TAF5L: variants seen among roughly 807,000 people sequenced by gnomAD.
TAF5L encodes the protein TAF5-like RNA polymerase II p300/CBP-associated factor-associated factor 65 kDa subunit 5L.
In TAF5L, 7 loss-of-function variants were observed where a neutral mutation model predicts 51.3. The observed-to-expected ratio is 0.14, with a 90% confidence interval of 0.08 to 0.26. The LOEUF (loss-of-function observed/expected upper bound fraction) is 0.26, where lower values mean the gene tolerates loss of function less well. Among genes scored for constraint, TAF5L ranks in the 10% least tolerant of loss-of-function variants. TAF5L has a pLI of 1.00. For synonymous variants in TAF5L, 291 were observed against 308.1 expected (o/e 0.94, Z 0.58); for missense variants, 575 against 758.9 (o/e 0.76, Z 2.85).
intron 1 of TAF5L, among the ~76,000 whole-genome samples, chr1:229,623,379 G>A (rs1328304753): frequency 6.6e-6 from 1 of 152,214 alleles, no homozygotes; most frequent in Non-Finnish European, 1.5e-5. Flanking sequence ...GCTCTAATCT[G>A]CCTGTTTACC....
At chr1:229,624,651 T>G (rs1358893364) in intron 1 of TAF5L, among the ~76,000 whole-genome samples, 2 of 152,144 alleles carry the variant, frequency 1.3e-5, no homozygotes, top group Admixed American at 6.5e-5. Flanking sequence ...TCGCATTTTA[T>G]AGATGAGGAA....
intron 4 of TAF5L, chr1:229,601,654 G>C (rs1158675540): frequency 1.0e-6 from 1 of 987,036 alleles, no homozygotes; most frequent in African/African-American, 1.7e-5. Flanking sequence ...CGGGGTACAT[G>C]GAGCCACAGG....
At chr1:229,605,849 T>C (rs1314104680) in intron 3 of TAF5L, among the ~76,000 whole-genome samples, 1 of 152,228 alleles carries the variant, frequency 6.6e-6, no homozygotes, top group Non-Finnish European at 1.5e-5. Flanking sequence ...TGATTTTGAA[T>C]GTGCCAAGCC....
In TAF5L at chr1:229,602,007, A is replaced by T. The variant is rs940796870; in HGVS notation, c.972+188T>A. On this transcript the variant is annotated intron_variant, in intron 4 of 4. Transcript: ENST00000258281. This position sits in a 1 kb window ranked among gnomAD's most constrained non-coding sequence, Gnocchi z 4.6. ...TAATAAGAAGTTAATGCTGCTAAAA[A>T]TTGTTTTTGCATCTTAGGTTAGGCA... 1.3e-5 allele frequency: 18 copies of T among 1,422,992 alleles called. No individual in the cohort carries two copies. The highest frequency in any genetic ancestry group is 1.7e-5 in the Non-Finnish European group (18 of 1,090,314). The allele number at this position is 1,422,992 out of a possible 1,614,324, so 88.1% of individuals were successfully genotyped here. A position where few individuals can be genotyped will look rare whatever the true frequency, so the allele number is the denominator to read the frequency against.
chr1:229,599,166 G>T, intron 4 of TAF5L: 1 of 720,224 alleles, frequency 1.4e-6, no homozygotes, highest in Non-Finnish European at 1.7e-6. Flanking sequence ...TGATCTTTAA[G>T]TGGGAGACAA....
chr1:229,600,125 G>C (rs1270969809), intron 4 of TAF5L: 1 of 984,898 alleles, frequency 1.0e-6, no homozygotes, highest in Non-Finnish European at 1.2e-6. Context: ...AAAAAGAAAA[G>C]TCCAAATTTT....
At chr1:229,613,992 G>T (rs1385081217) in intron 2 of TAF5L, among the ~76,000 whole-genome samples, 1 of 152,180 alleles carries the variant, frequency 6.6e-6, no homozygotes, top group African/African-American at 2.4e-5. Flanking sequence ...GCAAGAAGGG[G>T]ACAGAGGGAG....
At chr1:229,620,658 T>C (rs1380472603) in intron 1 of TAF5L, among the ~76,000 whole-genome samples, 16 of 152,192 alleles carry the variant, frequency 1.1e-4, no homozygotes, top group Admixed American at 1.0e-3. Flanking sequence ...CGTGATCTTT[T>C]TGAATTTCTA....
At chr1:229,617,671 C>A (rs535681223) in intron 1 of TAF5L, among the ~76,000 whole-genome samples, 2 of 151,940 alleles carry the variant, frequency 1.3e-5, no homozygotes, top group Non-Finnish European at 2.9e-5. Flanking sequence ...CCTCAAGGTG[C>A]GACAATATAC....
At position 229,614,075 on chromosome 1, in the gene TAF5L, T is replaced by A. The variant is rs1571848734; in HGVS notation, c.142+266A>T. 2.2e-5 allele frequency: 14 copies of A among 626,624 alleles called. No individual in the cohort carries two copies. The South Asian group carries it at 2.7e-4, about 12-fold the overall frequency. 38.8% of individuals were successfully genotyped at this position (626,624 alleles called of 1,614,324 possible). A position where few individuals can be genotyped will look rare whatever the true frequency, so the allele number is the denominator to read the frequency against. On this transcript the variant is annotated intron_variant, in intron 2 of 4. Coordinates refer to ENST00000258281, the Ensembl canonical transcript of TAF5L. ...AGTTGCACGTACTTTCAGGTACAGA[T>A]AAAGTAACTGAGAAGTCCTGAGGAA...
At chr1:229,617,888 C>A (rs1341786056) in intron 1 of TAF5L, among the ~76,000 whole-genome samples, 1 of 152,070 alleles carries the variant, frequency 6.6e-6, no homozygotes, top group African/African-American at 2.4e-5. Context: ...AGGGCGCTTC[C>A]CTGAGGGTGG....
chr1:229,609,473 T>C (rs2102755567), intron 3 of TAF5L, among the ~76,000 whole-genome samples: 1 of 152,342 alleles, frequency 6.6e-6, no homozygotes, highest in Non-Finnish European at 1.5e-5. Flanking sequence ...TTCACATCCC[T>C]TTCCGATTTA....
intron 3 of TAF5L, among the ~76,000 whole-genome samples, chr1:229,604,109 G>A (rs557816904): frequency 1.3e-5 from 2 of 151,028 alleles, no homozygotes; most frequent in East Asian, 1.9e-4. Flanking sequence ...CTAGTGTAAT[G>A]TTTGTACATA....
intron 4 of TAF5L, among the ~76,000 whole-genome samples, chr1:229,597,094 C>G (rs1315837379): frequency 2.6e-5 from 4 of 152,140 alleles, no homozygotes; most frequent in African/African-American, 7.2e-5. Flanking sequence ...AAAGAAGTTA[C>G]AACAACACTT....
At chr1:229,613,070 C>A (rs1664844737) in intron 2 of TAF5L, among the ~76,000 whole-genome samples, 1 of 151,792 alleles carries the variant, frequency 6.6e-6, no homozygotes, top group Admixed American at 6.6e-5. Context: ...GTAATCCCAG[C>A]ACTTTGGGAG....
At position 229,602,815 on chromosome 1, in the gene TAF5L, T is replaced by C; in HGVS notation, c.352A>G (p.Ser118Gly). ...ATTCCATGGAAGCGGCTGTAAAAAC[T>C]TTCCACTGTGCTCTTCGGACTGTTT... is the stretch of plus-strand genomic sequence containing the variant. The change falls in exon 4 of 5, where the codon AGT becomes GGT. Residue 118 changes from serine (S) to glycine (G), a missense_variant. Ser to Gly is a moderately conservative substitution (Grantham distance 56). Coordinates refer to ENST00000258281, the Ensembl canonical transcript of TAF5L. The surrounding 1 kb of genome is among the most constrained non-coding windows in gnomAD (Gnocchi z 4.6). 6.2e-7 allele frequency: 1 copy of C among 1,613,800 alleles called. No homozygotes were observed.
intron 1 of TAF5L, among the ~76,000 whole-genome samples, chr1:229,622,021 CTATCT>C (rs1462605577): frequency 0.089 from 267 of 3,004 alleles, 3 homozygotes; most frequent in African/African-American, 0.16. Flanking sequence ...TCATCATCAT[CTATCT>C]ATCTATCTAT....
intron 1 of TAF5L, among the ~76,000 whole-genome samples, chr1:229,622,312 C>T (rs1335969932): frequency 6.6e-6 from 1 of 152,136 alleles, no homozygotes; most frequent in Non-Finnish European, 1.5e-5. Context: ...CCAAACAGCA[C>T]CTTGTTGTTC....
At chr1:229,601,454 T>A in intron 4 of TAF5L, 1 of 985,386 alleles carries the variant, frequency 1.0e-6, no homozygotes, top group Non-Finnish European at 1.2e-6. Flanking sequence ...TTAATTTCTA[T>A]CTTCCTTGGC....
Sources: gnomAD v4.1 joint callset for allele counts (sites outside exome capture counted in the v4.1 genomes callset) on GRCh38, gnomAD v4.1.1 for gene constraint, Gnocchi (gnomAD v3.1) non-coding constraint, MANE v1.5 for transcripts, NCBI Gene and HGNC (gene_info 2026-07-23, HGNC 2026-07-21) for gene names.